The following TNKS2 variants were observed in gnomAD, a reference collection of about 807,000 sequenced individuals.
TNKS2 encodes the protein tankyrase 2, also known as poly [ADP-ribose] polymerase tankyrase-2.
Under a neutral mutation model 137.6 loss-of-function variants are expected in TNKS2, and 72 were observed. The ratio of observed to expected loss-of-function variants is 0.52; its 90% CI spans 0.43 to 0.64. The LOEUF (loss-of-function observed/expected upper bound fraction) is 0.64. Ranked by LOEUF, TNKS2 falls within the 30% of genes least tolerant of loss-of-function variation. The probability of loss-of-function intolerance (pLI) is 0.00; values close to 1 mark genes in which losing one functional copy is unlikely to be tolerated. For synonymous variants in TNKS2, 516 were observed against 512.1 expected (o/e 1.01, Z -0.10); for missense variants, 1,049 against 1,410.2 (o/e 0.74, Z 4.10).
intron 13 of TNKS2, among the ~76,000 whole-genome samples, chr10:91,840,272 A>G (rs1433185395): frequency 1.3e-5 from 2 of 152,132 alleles, no homozygotes; most frequent in Non-Finnish European, 2.9e-5. Flanking sequence ...CCCAGGAAAC[A>G]GAGGTTGCAG....
intron 8 of TNKS2, among the ~76,000 whole-genome samples, chr10:91,827,812 A>G (rs1466903707): frequency 6.6e-6 from 1 of 152,156 alleles, no homozygotes; most frequent in African/African-American, 2.4e-5. Flanking sequence ...TTATTTTTTC[A>G]TCATCATAGG....
chr10:91,848,603 C>G lies in TNKS2; in HGVS notation c.2579C>G (p.Thr860Arg). 1 of 1,614,156 alleles carries G rather than the reference C, an allele frequency of 6.2e-7. No homozygotes were observed. Among genetic ancestry groups the G allele is most frequent in the South Asian group, 1.1e-5 (1 of 91,088 alleles). ...TCTTCAGTAGTTAGTTCAAGTGGAA[C>G]AGAGGGTGCTTCCAGTTTGGAGAAA... is the stretch of plus-strand genomic sequence containing the variant. ...ELSSVVSSSG[T>R]EGASSLEKKE... The change falls in exon 19 of 27, where the codon ACA (threonine) becomes AGA (arginine). Residue 860 changes from threonine (T) to arginine (R), a missense_variant. Around this residue, in one of 6 missense-constraint regions of TNKS2, gnomAD observed 208 missense variants for 231.2 expected, o/e 0.90. Transcript: ENST00000371627.
rs1216874859 is a variant in TNKS2, at chr10:91,857,516, G to A, written c.3080G>A (p.Arg1027Gln). The change falls in exon 24 of 27, where the codon CGA becomes CAA. Residue 1027 changes from arginine (R) to glutamine (Q), a missense_variant. Arg to Gln is a conservative substitution (Grantham distance 43). Around this residue, in one of 6 missense-constraint regions of TNKS2, gnomAD observed 133 missense variants for 248.4 expected, o/e 0.54. Coordinates refer to ENST00000371627, the MANE Select transcript of TNKS2 (RefSeq NM_025235.4). ...GAAAACCACAACCATGCCAATGAAC[G>A]AATGCTATTTCATGGTAAGATTCCT... ...SEENHNHANE[R>Q]MLFHGSPFVN... 2 of 1,608,958 alleles carry A rather than the reference G, an allele frequency of 1.2e-6. No homozygotes were observed. Among genetic ancestry groups the A allele is most frequent in the Non-Finnish European group, 1.7e-6 (2 of 1,176,482 alleles).
intron 22 of TNKS2, 131 bp downstream of exon 22, chr10:91,855,257 A>C: frequency 1.5e-6 from 1 of 660,788 alleles, no homozygotes; most frequent in Non-Finnish European, 2.6e-6. Context: ...CAAGCTGATT[A>C]TCTAATATTA....
At chr10:91,844,517 T>A (rs2133659135) in intron 16 of TNKS2, among the ~76,000 whole-genome samples, 1 of 152,274 alleles carries the variant, frequency 6.6e-6, no homozygotes, top group East Asian at 1.9e-4. Flanking sequence ...TGCAGACCTT[T>A]GACTTGCAGC....
At chr10:91,828,646 A>G (rs1845141411) in intron 9 of TNKS2, among the ~76,000 whole-genome samples, 2 of 152,228 alleles carry the variant, frequency 1.3e-5, no homozygotes, top group African/African-American at 2.4e-5. Flanking sequence ...ATATTCTGAC[A>G]TGTATTATAT....
chr10:91,852,659 C>G (rs1245247132), intron 21 of TNKS2, among the ~76,000 whole-genome samples: 1 of 152,196 alleles, frequency 6.6e-6, no homozygotes, highest in African/African-American at 2.4e-5. Flanking sequence ...TCAAAAATAT[C>G]CAATAATTGA....
rs569818179 is a variant in TNKS2, at chr10:91,824,318, T to C, written c.795+1956T>C. Among the ~76,000 whole-genome samples, 3 of 152,296 alleles carry C rather than the reference T, an allele frequency of 2.0e-5. No individual in the cohort carries two copies. The South Asian group carries it at 6.2e-4, about 32-fold the overall frequency. ...TAACAGCAAACACCCAGTGACTGCT[T>C]TCCATGACCAGGGCATTTGCTAGCC... On this transcript the variant is annotated intron_variant, in intron 7 of 26. Transcript: ENST00000371627.
chr10:91,821,445 A>G (rs1408154349), intron 6 of TNKS2, among the ~76,000 whole-genome samples: 1 of 152,150 alleles, frequency 6.6e-6, no homozygotes, highest in East Asian at 1.9e-4. Context: ...AAAAATAGTA[A>G]GGAAAGCCAT....
At chr10:91,802,282 T>C (rs1187446477) in intron 1 of TNKS2, among the ~76,000 whole-genome samples, 1 of 152,190 alleles carries the variant, frequency 6.6e-6, no homozygotes, top group East Asian at 1.9e-4. Flanking sequence ...TGCACAAGCA[T>C]AGATACGAAA....
intron 2 of TNKS2, among the ~76,000 whole-genome samples, chr10:91,815,125 C>G (rs1844641997): frequency 6.6e-6 from 1 of 152,100 alleles, no homozygotes; most frequent in African/African-American, 2.4e-5. Context: ...CTCATTGCCA[C>G]CTTAACTCCA....
chr10:91,849,930 C>T (rs1842492499), intron 20 of TNKS2, among the ~76,000 whole-genome samples: 1 of 152,190 alleles, frequency 6.6e-6, no homozygotes, highest in Non-Finnish European at 1.5e-5. Flanking sequence ...ATGAATATGC[C>T]AGCCATATCT....
In TNKS2 at chr10:91,837,176, A is replaced by G. The variant is rs529525246; in HGVS notation, c.1527+178A>G. ...TAGCTTTAAGTAATGAAAGAGAAAG[A>G]CTTCACTTTCACCTGCATCCCAGTG... On this transcript the variant is annotated intron_variant, in intron 13 of 26. Coordinates refer to ENST00000371627, the MANE Select transcript of TNKS2 (RefSeq NM_025235.4). 5.3e-5 allele frequency among the ~76,000 whole-genome samples: 8 copies of G among 152,342 alleles called. No individual in the cohort carries two copies. The East Asian group carries it at 1.5e-3, about 29-fold the overall frequency.
chr10:91,813,297 C>A, intron 2 of TNKS2, 90 bp downstream of exon 2: 1 of 1,094,160 alleles, frequency 9.1e-7, no homozygotes, highest in Non-Finnish European at 1.3e-6. Flanking sequence ...CAAATTATGT[C>A]AAGCTGAATT....
In TNKS2 at chr10:91,859,581, G is replaced by A. The variant is rs1842798489; in HGVS notation, c.3214G>A (p.Val1072Ile). Residue 1072 changes from valine to isoleucine, a missense_variant, in exon 25 of 27, where the codon GTA becomes ATA. Transcript: ENST00000371627. The part of the protein sequence containing the change: ...AENSSKSNQY[V>I]YGIGGGTGCP... ...AAACTCTTCCAAAAGCAATCAATAT[G>A]TATATGGAATTGGAGGAGGTACTGG... 3.1e-6 allele frequency: 5 copies of A among 1,613,900 alleles called. No individual in the cohort carries two copies. The highest frequency in any genetic ancestry group is 1.1e-5 in the South Asian group (1 of 91,076).
intron 23 of TNKS2, 58 bp downstream of exon 23, chr10:91,855,746 A>G (rs771971229): frequency 1.2e-4 from 151 of 1,283,608 alleles, no homozygotes; most frequent in Admixed American, 8.4e-4. Flanking sequence ...GCCTGAAGCC[A>G]TAAGTAACTT....
At chr10:91,830,453 G>T (rs1845210567) in intron 9 of TNKS2, among the ~76,000 whole-genome samples, 1 of 152,062 alleles carries the variant, frequency 6.6e-6, no homozygotes, top group Non-Finnish European at 1.5e-5. Flanking sequence ...CCTGACCTCA[G>T]GTGACCCGCC....
rs750427099 is a variant in TNKS2 at position 91,848,682 on chromosome 10, G to GT, written c.2611+48dup. ...ACTTTCTAACTGGTATTGTAGCCCC[G>GT]TATTTGTCATTTGGGATGCTAAAAA... On this transcript the variant is annotated intron_variant, in intron 19 of 26. Coordinates refer to ENST00000371627, the MANE Select transcript of TNKS2 (RefSeq NM_025235.4). The GT allele has an allele frequency of 7.2e-5, 115 of 1,591,952 alleles. 2 individuals are homozygous for GT. The South Asian group carries it at 1.3e-3, about 18-fold the overall frequency.
Position 91,822,234 on chromosome 10 carries a change from A to G in TNKS2, c.729-62A>G, listed in dbSNP as rs540398340. On this transcript the variant is annotated intron_variant, in intron 6 of 26. Transcript: ENST00000371627. ...AGTAATTAAATAAATTTTAATTTAT[A>G]AATTTCCCTAGGCCTAAGAAATCTA... is the stretch of plus-strand genomic sequence containing the variant. 125 of 1,280,622 alleles carry G rather than the reference A, an allele frequency of 9.8e-5. No individual in the cohort carries two copies. In the African/African-American group the frequency reaches 1.7e-3, roughly 17 times the overall value. The allele number at this position is 1,280,622 out of a possible 1,614,324, so 79.3% of individuals were successfully genotyped here.
Sources: allele counts gnomAD v4.1 joint callset (sites outside exome capture counted in the v4.1 genomes callset), GRCh38; gene constraint gnomAD v4.1.1; regional missense constraint gnomAD v4.1.1; transcripts MANE v1.5; gene names NCBI Gene and HGNC (gene_info 2026-07-23, HGNC 2026-07-21).